Variants in THSD7B observed in about 807,000 individuals in gnomAD.
THSD7B encodes the protein thrombospondin type-1 domain-containing protein 7B.
THSD7B carries 138 observed loss-of-function variants against 213.6 expected under a neutral mutation model. The observed-to-expected ratio is 0.65, with a 90% confidence interval of 0.56 to 0.74. The LOEUF is 0.74. THSD7B is among the 30% of genes least tolerant of loss of function. The pLI is 0.00. For synonymous variants in THSD7B, 742 were observed against 687.0 expected (o/e 1.08, Z -1.25); for missense variants, 1,931 against 1,991.5 (o/e 0.97, Z 0.58).
chr2:137,415,670 T>TG (rs1391452558), intron 14 of THSD7B, among the ~76,000 whole-genome samples: 13 of 135,654 alleles, frequency 9.6e-5, no homozygotes, highest in African/African-American at 1.4e-4. Context: ...CAGTGTTTTT[T>TG]TTTTTTTTTT....
At chr2:137,647,786 G>A (rs756815217) in intron 21 of THSD7B, among the ~76,000 whole-genome samples, 3 of 152,160 alleles carry the variant, frequency 2.0e-5, no homozygotes, top group Non-Finnish European at 4.4e-5. Context: ...GATGATGTGA[G>A]TAGCCAAGAA....
chr2:137,206,721 A>G (rs916155617), intron 7 of THSD7B, among the ~76,000 whole-genome samples: 4 of 152,066 alleles, frequency 2.6e-5, no homozygotes, highest in Admixed American at 2.6e-4. Flanking sequence ...GTGGTAATGT[A>G]TCTGAGTAAG....
chr2:136,897,353 G>T (rs1386437359), intron 2 of THSD7B, among the ~76,000 whole-genome samples: 8 of 152,134 alleles, frequency 5.3e-5, no homozygotes, highest in Admixed American at 3.3e-4. Flanking sequence ...TCTTCCTTCT[G>T]GTGGGCTCGT....
intron 27 of THSD7B, among the ~76,000 whole-genome samples, chr2:137,670,731 C>A (rs889968671): frequency 6.6e-6 from 1 of 152,166 alleles, no homozygotes; most frequent in East Asian, 1.9e-4. Context: ...ACCATCCTAT[C>A]TAACACAGTG....
chr2:136,784,034 C>T (rs1681793633), intron 1 of THSD7B, among the ~76,000 whole-genome samples: 1 of 152,170 alleles, frequency 6.6e-6, no homozygotes, highest in Non-Finnish European at 1.5e-5. Context: ...AGGGTGTGTT[C>T]TAAGAATGTG....
intron 12 of THSD7B, among the ~76,000 whole-genome samples, chr2:137,370,614 A>G (rs1685519681): frequency 6.6e-6 from 1 of 152,082 alleles, no homozygotes; most frequent in Non-Finnish European, 1.5e-5. Context: ...GATTACAGGC[A>G]TACACAACCA....
chr2:137,303,198 T>A (rs1683647837), intron 12 of THSD7B, among the ~76,000 whole-genome samples: 1 of 152,118 alleles, frequency 6.6e-6, no homozygotes, highest in African/African-American at 2.4e-5. Flanking sequence ...CTTATTTTTA[T>A]GTTTTGTAGA....
At chr2:137,358,142 AG>A (rs1458763969) in intron 12 of THSD7B, among the ~76,000 whole-genome samples, 11 of 152,234 alleles carry the variant, frequency 7.2e-5, no homozygotes, top group African/African-American at 2.7e-4. Flanking sequence ...AAAACAAATA[AG>A]ATGAGCTTCT....
intron 2 of THSD7B, among the ~76,000 whole-genome samples, chr2:137,008,419 C>T (rs1463565620): frequency 6.6e-6 from 1 of 152,130 alleles, no homozygotes; most frequent in Non-Finnish European, 1.5e-5. Context: ...CCTAAGGGTG[C>T]ATTGTGTCTT....
At position 137,563,269 on chromosome 2, in the gene THSD7B, G is replaced by A. The variant is rs1274177481; in HGVS notation, c.3187G>A (p.Val1063Ile). Residue 1063 changes from valine to isoleucine, a missense_variant, in exon 16 of 28, where the codon GTT (valine) becomes ATT (isoleucine). Transcript: ENST00000409968. Reference sequence around the variant, plus strand: ...CAGTGAGTGCAATCAGTATTCCTGGGTTGTAGAACACTGGTCTTCATGCAA... The same window carrying A: ...CAGTGAGTGCAATCAGTATTCCTGGATTGTAGAACACTGGTCTTCATGCAA... Reference protein sequence around the residue: ...CYSECNQYSWVVEHWSSCKIN... With the variant: ...CYSECNQYSWIVEHWSSCKIN... The A allele has an allele frequency of 5.0e-6, 8 of 1,613,356 alleles. No homozygotes were observed. The highest frequency in any genetic ancestry group is 4.4e-5 in the South Asian group (4 of 91,062).
At chr2:136,776,572 A>G (rs1428477624) in intron 1 of THSD7B, among the ~76,000 whole-genome samples, 2 of 152,192 alleles carry the variant, frequency 1.3e-5, no homozygotes, top group Non-Finnish European at 2.9e-5. Flanking sequence ...TTGTCCTGGC[A>G]TGTGTCAGTG....
At chr2:137,473,450 C>T (rs1158918149) in intron 15 of THSD7B, among the ~76,000 whole-genome samples, 3 of 152,038 alleles carry the variant, frequency 2.0e-5, no homozygotes, top group Non-Finnish European at 2.9e-5. Context: ...CCTCATGATC[C>T]GCCCGCCTCG....
chr2:137,062,556 G>C (rs887824233), intron 3 of THSD7B, among the ~76,000 whole-genome samples: 4 of 151,506 alleles, frequency 2.6e-5, no homozygotes, highest in Non-Finnish European at 5.9e-5. Flanking sequence ...CATTTCTCTT[G>C]AGATTTTCTT....
intron 1 of THSD7B, among the ~76,000 whole-genome samples, chr2:136,825,486 A>C (rs2104941364): frequency 6.6e-6 from 1 of 152,212 alleles, no homozygotes; most frequent in South Asian, 2.1e-4. Flanking sequence ...CTGCAGCAAC[A>C]GTCCAGTCCC....
chr2:137,213,801 T>A lies in THSD7B; in HGVS notation c.1724-17243T>A, dbSNP rs1363680296. ...TTAAATCAAAGTAGATAATGGCTAC[T>A]GGGTCGTGACAAATGGCAGGTAGAG... On this transcript the variant is annotated intron_variant, in intron 7 of 27. Transcript: ENST00000409968. Among the ~76,000 whole-genome samples the A allele has an allele frequency of 2.0e-5, 3 of 152,120 alleles. No homozygotes were observed. In the East Asian group the frequency reaches 5.8e-4, roughly 29 times the overall value.
At chr2:137,473,220 G>C (rs1330194751) in intron 15 of THSD7B, among the ~76,000 whole-genome samples, 4 of 150,628 alleles carry the variant, frequency 2.7e-5, no homozygotes, top group Non-Finnish European at 5.9e-5. Flanking sequence ...TTGTTTGTTT[G>C]TTTGTTTGTT....
At chr2:137,464,864 T>C (rs559871090) in intron 15 of THSD7B, among the ~76,000 whole-genome samples, 6 of 152,068 alleles carry the variant, frequency 3.9e-5, no homozygotes, top group Non-Finnish European at 7.4e-5. Context: ...GATAGCCCAG[T>C]GGTCGATTAG....
chr2:137,617,517 G>C (rs1260557710), intron 18 of THSD7B, among the ~76,000 whole-genome samples: 1 of 152,116 alleles, frequency 6.6e-6, no homozygotes, highest in African/African-American at 2.4e-5. Context: ...TTCTGTAACA[G>C]TCCATACAGT....
At chr2:137,440,847 A>G (rs1049964313) in intron 14 of THSD7B, among the ~76,000 whole-genome samples, 1 of 152,100 alleles carries the variant, frequency 6.6e-6, no homozygotes, top group African/African-American at 2.4e-5. Context: ...GATAAAGAAA[A>G]AAGAAGAGAA....
Sources: allele counts gnomAD v4.1 joint callset (sites outside exome capture counted in the v4.1 genomes callset), GRCh38; gene constraint gnomAD v4.1.1; transcripts MANE v1.5; gene names NCBI Gene and HGNC (gene_info 2026-07-23, HGNC 2026-07-21).